ANKDD1B: variants seen among roughly 807,000 people sequenced by gnomAD.
ANKDD1B encodes the protein ankyrin repeat and death domain-containing protein 1B.
Under a neutral mutation model 59.7 loss-of-function variants are expected in ANKDD1B, and 57 were observed. That is an observed-to-expected ratio of 0.95 (90% CI 0.77 to 1.19). The LOEUF is 1.19. ANKDD1B is among the 50% of genes most tolerant of loss of function. ANKDD1B has a pLI of 0.00. For synonymous variants in ANKDD1B, 216 were observed against 239.5 expected (o/e 0.90, Z 0.91); for missense variants, 602 against 641.9 (o/e 0.94, Z 0.67).
chr5:75,614,771 A>G (rs1773671175), intron 1 of ANKDD1B, among the ~76,000 whole-genome samples: 1 of 152,234 alleles, frequency 6.6e-6, no homozygotes, highest in Non-Finnish European at 1.5e-5. Flanking sequence ...GCAGATATTG[A>G]TGAACACTAG....
In ANKDD1B at chr5:75,666,820, C is replaced by CA; in HGVS notation, c.1222dup (p.Thr408AsnfsTer34). 1 of 1,535,908 alleles carries CA rather than the reference C, an allele frequency of 6.5e-7. No individual in the cohort carries two copies. The highest frequency in any genetic ancestry group is 8.7e-7 in the Non-Finnish European group (1 of 1,146,798). ...CATCATGAGAGCATCAGGGACCCGT[C>CA]AACAGGCTTTACTCTGACATTCAAG... is the stretch of plus-strand genomic sequence containing the variant. On this transcript the variant is annotated frameshift_variant, in exon 12 of 14. Transcript: ENST00000601380. LOFTEE classifies it high-confidence loss of function.
intron 12 of ANKDD1B, among the ~76,000 whole-genome samples, chr5:75,668,198 G>A (rs1396891457): frequency 1.3e-5 from 2 of 152,014 alleles, no homozygotes; most frequent in African/African-American, 4.8e-5. Flanking sequence ...CTTTATGGAG[G>A]GCCTGGAGTG....
At chr5:75,668,196 AG>A (rs1324438604) in intron 12 of ANKDD1B, among the ~76,000 whole-genome samples, 2 of 152,108 alleles carry the variant, frequency 1.3e-5, no homozygotes, top group African/African-American at 4.8e-5. Context: ...ACCTTTATGG[AG>A]GGCCTGGAGT....
intron 5 of ANKDD1B, among the ~76,000 whole-genome samples, chr5:75,631,240 T>C (rs554894595): frequency 6.6e-6 from 1 of 152,360 alleles, no homozygotes; most frequent in African/African-American, 2.4e-5. Flanking sequence ...TTGTGGTCTC[T>C]GTGCATAAAG....
intron 10 of ANKDD1B, among the ~76,000 whole-genome samples, chr5:75,660,231 C>T (rs534561169): frequency 6.6e-6 from 1 of 152,292 alleles, no homozygotes; most frequent in East Asian, 1.9e-4. Flanking sequence ...AAACTTTACA[C>T]TTATTCAATA....
Position 75,663,355 on chromosome 5 carries a change from G to A in ANKDD1B, c.1096-39G>A, listed in dbSNP as rs893219894. The stretch of plus-strand genomic sequence containing the variant: ...CCAAAACTAGAGCTCCTAATCACTA[G>A]GCCATATCACCTGAATTTTTTTTCT... On this transcript the variant is annotated intron_variant, in intron 10 of 13. Coordinates refer to ENST00000601380, the MANE Select transcript of ANKDD1B (RefSeq NM_001276713.2). The A allele has an allele frequency of 2.8e-6, 4 of 1,427,634 alleles. No individual in the cohort carries two copies. In the African/African-American group the frequency reaches 5.7e-5, roughly 20 times the overall value. The allele number at this position is 1,427,634 out of a possible 1,614,324, so 88.4% of individuals were successfully genotyped here. A position where few individuals can be genotyped will look rare whatever the true frequency, so the allele number is the denominator to read the frequency against.
In ANKDD1B at chr5:75,653,220, G is replaced by T. The variant is rs1269235214; in HGVS notation, c.877G>T (p.Asp293Tyr). 6.5e-7 allele frequency: 1 copy of T among 1,536,094 alleles called. No individual in the cohort carries two copies. The highest frequency in any genetic ancestry group is 8.7e-7 in the Non-Finnish European group (1 of 1,146,856). ...CAACTTTCTTCTCAGTGAGAACGTT[G>T]ATCTGCACCAGAAAGTGGAAGTGAG... Reference protein sequence around the residue: ...LVNFLLSENVDLHQKVEPKES... With the variant: ...LVNFLLSENVYLHQKVEPKES... Residue 293 changes from aspartate (D) to tyrosine (Y), a missense_variant, in exon 8 of 14, where the codon GAT becomes TAT. Physicochemically the swap from Asp to Tyr is radical, Grantham distance 160. Around this residue, in one of 3 missense-constraint regions of ANKDD1B, gnomAD observed 280 missense variants for 319.8 expected, o/e 0.88. Coordinates refer to ENST00000601380, the MANE Select transcript of ANKDD1B (RefSeq NM_001276713.2).
rs528300771 is a variant in ANKDD1B, at chr5:75,636,234, A to C, written c.798+352A>C. On this transcript the variant is annotated intron_variant, in intron 7 of 13. Transcript: ENST00000601380. The stretch of plus-strand genomic sequence containing the variant: ...TACAGAGAATGCCATGAGAACACAG[A>C]GAAAGATGTTTTTCAGAAATTACAG... Among the ~76,000 whole-genome samples, 34 of 152,368 alleles carry C rather than the reference A, an allele frequency of 2.2e-4. 1 individual carries two copies. Among genetic ancestry groups the C allele is most frequent in the Admixed American group, 2.2e-3 (33 of 15,302 alleles).
At chr5:75,630,338 A>G (rs1047323368) in intron 5 of ANKDD1B, among the ~76,000 whole-genome samples, 7 of 152,248 alleles carry the variant, frequency 4.6e-5, no homozygotes, top group Non-Finnish European at 2.9e-5. Flanking sequence ...TCTCATCTTT[A>G]TGCTACCTTT....
At chr5:75,630,084 C>G (rs1209671857) in intron 5 of ANKDD1B, among the ~76,000 whole-genome samples, 1 of 152,138 alleles carries the variant, frequency 6.6e-6, no homozygotes, top group Non-Finnish European at 1.5e-5. Context: ...GCTCTGACAC[C>G]AAGCTCCACC....
At position 75,611,600 on chromosome 5, in the gene ANKDD1B, G is replaced by A. The variant is rs1441984343; in HGVS notation, c.-35G>A. On this transcript the variant is annotated 5_prime_UTR_variant, in exon 1 of 14. Coordinates refer to ENST00000601380, the MANE Select transcript of ANKDD1B (RefSeq NM_001276713.2). ...GGTCTGGATCTGGGTCCGAGTCTGG[G>A]TCTGGCCCTGCGCTCAGGGCCCGCG... The A allele has an allele frequency of 1.5e-5, 18 of 1,219,918 alleles. 1 individual carries two copies. In the South Asian group the frequency reaches 6.2e-4, roughly 42 times the overall value. The allele number at this position is 1,219,918 out of a possible 1,614,324, so 75.6% of individuals were successfully genotyped here. A position where few individuals can be genotyped will look rare whatever the true frequency, so the allele number is the denominator to read the frequency against.
intron 7 of ANKDD1B, among the ~76,000 whole-genome samples, chr5:75,640,752 A>C (rs539263888): frequency 2.8e-4 from 43 of 152,294 alleles, no homozygotes; most frequent in African/African-American, 9.9e-4. Context: ...GGAGACTTAA[A>C]ATGTTCTTTG....
intron 7 of ANKDD1B, among the ~76,000 whole-genome samples, chr5:75,648,228 T>A (rs1185226986): frequency 1.1e-5 from 1 of 93,420 alleles, no homozygotes; most frequent in South Asian, 3.4e-4. Flanking sequence ...AATGTGCACA[T>A]GTACCCTAAA....
chr5:75,636,968 C>T (rs1268898376), intron 7 of ANKDD1B, among the ~76,000 whole-genome samples: 2 of 151,766 alleles, frequency 1.3e-5, no homozygotes, highest in Admixed American at 6.6e-5. Context: ...GTTCTGGAGC[C>T]GGGTGCGCTG....
intron 7 of ANKDD1B, among the ~76,000 whole-genome samples, chr5:75,651,562 C>T (rs1253667779): frequency 1.9e-4 from 29 of 152,190 alleles, no homozygotes; most frequent in Non-Finnish European, 5.9e-5. Context: ...CATTGAATGT[C>T]TGCCTAGCAC....
chr5:75,631,778 TTA>T (rs1774167588), intron 5 of ANKDD1B, among the ~76,000 whole-genome samples: 1 of 152,142 alleles, frequency 6.6e-6, no homozygotes, highest in Non-Finnish European at 1.5e-5. Context: ...TGTGATAACT[TTA>T]TGAGTCTGAA....
chr5:75,617,828 C>T (rs553966080), intron 2 of ANKDD1B, among the ~76,000 whole-genome samples: 1 of 152,284 alleles, frequency 6.6e-6, no homozygotes, highest in African/African-American at 2.4e-5. Context: ...TCAGGTTTCA[C>T]AAAACCTGTG....
At chr5:75,668,346 A>C (rs937925277) in intron 12 of ANKDD1B, among the ~76,000 whole-genome samples, 2 of 152,194 alleles carry the variant, frequency 1.3e-5, no homozygotes, top group African/African-American at 4.8e-5. Context: ...GGTTACTGGC[A>C]CTGGGGAGTT....
chr5:75,641,529 G>A (rs908613586), intron 7 of ANKDD1B, among the ~76,000 whole-genome samples: 1 of 152,124 alleles, frequency 6.6e-6, no homozygotes, highest in African/African-American at 2.4e-5. Flanking sequence ...CATGGAAAAT[G>A]TAATTAAATC....
Sources: gnomAD v4.1 joint callset for allele counts (sites outside exome capture counted in the v4.1 genomes callset) on GRCh38, gnomAD v4.1.1 for gene constraint, gnomAD v4.1.1 regional missense constraint, MANE v1.5 for transcripts, NCBI Gene and HGNC (gene_info 2026-07-23, HGNC 2026-07-21) for gene names.